Variants in COA1 observed in about 807,000 individuals in gnomAD.
The protein encoded by COA1 is cytochrome c oxidase assembly factor 1 homolog.
A neutral mutation model predicts 16.0 loss-of-function variants in COA1; 13 were observed. The observed-to-expected ratio is 0.81, with a 90% CI of 0.53 to 1.29. COA1 has a LOEUF of 1.29. Among genes scored for constraint, COA1 ranks in the 50% most tolerant of loss-of-function variants. COA1 has a pLI of 0.00. For synonymous variants in COA1, 65 were observed against 65.7 expected, an observed-to-expected ratio of 0.99 and a Z score of 0.05; for missense variants, 179 against 177.0, an observed-to-expected ratio of 1.01 and a Z score of -0.06.
At chr7:43,700,541 T>C (rs1432018908) in intron 1 of COA1, among the ~76,000 whole-genome samples, 3 of 150,730 alleles carry the variant, frequency 2.0e-5, no homozygotes, top group African/African-American at 7.3e-5. Flanking sequence ...TATATATATA[T>C]ATATATACAT....
chr7:43,717,423 T>C (rs1442562858), intron 1 of COA1, among the ~76,000 whole-genome samples: 1 of 152,230 alleles, frequency 6.6e-6, no homozygotes, highest in Non-Finnish European at 1.5e-5. Context: ...ATTTCAGACT[T>C]GCATGGGCCC....
At chr7:43,675,591 A>AC (rs752519644) in intron 1 of COA1, among the ~76,000 whole-genome samples, 21 of 152,198 alleles carry the variant, frequency 1.4e-4, no homozygotes, top group Non-Finnish European at 2.9e-4. Context: ...CCTAAAACTT[A>AC]AAGTATAATA....
intron 1 of COA1, among the ~76,000 whole-genome samples, chr7:43,657,502 T>G (rs79608853): frequency 0.036 from 5,512 of 152,266 alleles, 305 homozygotes; most frequent in African/African-American, 0.12. Flanking sequence ...ATGTTAACAG[T>G]TGTTACCCAT....
chr7:43,644,521 G>A (rs2088168407), intron 4 of COA1, among the ~76,000 whole-genome samples: 1 of 151,850 alleles, frequency 6.6e-6, no homozygotes, highest in Non-Finnish European at 1.5e-5. Context: ...GGATATAGAT[G>A]CATTTCTCTT....
chr7:43,617,236 C>T (rs985562908), intron 6 of COA1, among the ~76,000 whole-genome samples: 4 of 152,056 alleles, frequency 2.6e-5, no homozygotes, highest in Non-Finnish European at 5.9e-5. Context: ...TGGAGGTTAC[C>T]TAAGAGCAAT....
At chr7:43,644,536 T>C (rs1036984387) in intron 4 of COA1, among the ~76,000 whole-genome samples, 7 of 152,056 alleles carry the variant, frequency 4.6e-5, no homozygotes, top group African/African-American at 1.7e-4. Context: ...TCTCTTTTTT[T>C]TTTAATTTTA....
chr7:43,652,312 G>A (rs2090978261), intron 1 of COA1, among the ~76,000 whole-genome samples: 1 of 152,126 alleles, frequency 6.6e-6, no homozygotes, highest in Non-Finnish European at 1.5e-5. Context: ...TGTTCCTCTG[G>A]GTAACATGGC....
chr7:43,722,640 T>TG (rs1363066029), intron 1 of COA1, among the ~76,000 whole-genome samples: 3 of 151,898 alleles, frequency 2.0e-5, no homozygotes, highest in African/African-American at 7.3e-5. Flanking sequence ...TGATCTCAAG[T>TG]GATCCGACTG....
chr7:43,612,188 G>T (rs368920506), intron 6 of COA1, among the ~76,000 whole-genome samples: 5 of 152,116 alleles, frequency 3.3e-5, no homozygotes, highest in African/African-American at 1.2e-4. Flanking sequence ...ATGTTTCCTC[G>T]ACCCAGAGGA....
chr7:43,693,566 C>T (rs1309758964), intron 1 of COA1, among the ~76,000 whole-genome samples: 1 of 152,046 alleles, frequency 6.6e-6, no homozygotes, highest in Non-Finnish European at 1.5e-5. Context: ...CTTTTCAATT[C>T]CCCTCCTCAA....
chr7:43,666,274 T>C (rs2092882833), intron 1 of COA1, among the ~76,000 whole-genome samples: 1 of 152,222 alleles, frequency 6.6e-6, no homozygotes, highest in South Asian at 2.1e-4. Flanking sequence ...CACTACACTG[T>C]TTATACGGAC....
At chr7:43,640,260 A>C (rs986065570) in intron 5 of COA1, among the ~76,000 whole-genome samples, 1 of 152,236 alleles carries the variant, frequency 6.6e-6, no homozygotes, top group Non-Finnish European at 1.5e-5. Flanking sequence ...ATTTATAACA[A>C]TTGAGGCAGT....
downstream of COA1, among the ~76,000 whole-genome samples, chr7:43,634,447 C>A (rs2085536441): frequency 6.6e-6 from 1 of 152,192 alleles, no homozygotes; most frequent in Non-Finnish European, 1.5e-5. Context: ...CCCGCTAGAA[C>A]ACGTGGGTCC....
downstream of COA1, among the ~76,000 whole-genome samples, chr7:43,636,339 ACCGCCC>A (rs1362059956): frequency 3.7e-5 from 5 of 135,664 alleles, no homozygotes; most frequent in African/African-American, 1.5e-4. Context: ...CTCTTTCTGG[ACCGCCC>A]CCATCATTGA....
At chr7:43,641,394 T>G (rs561963539) in intron 4 of COA1, 137 of 151,314 alleles carry the variant, frequency 9.1e-4, no homozygotes, top group African/African-American at 3.2e-3. Flanking sequence ...GTGTATGATG[T>G]TTGAAAATTA....
intron 1 of COA1, among the ~76,000 whole-genome samples, chr7:43,714,157 C>T (rs1585387700): frequency 6.6e-6 from 1 of 152,206 alleles, no homozygotes; most frequent in East Asian, 1.9e-4. Context: ...CACTGCACTC[C>T]AGCCTGGGTG....
At chr7:43,662,370 C>A (rs574046783) in intron 1 of COA1, among the ~76,000 whole-genome samples, 3 of 152,356 alleles carry the variant, frequency 2.0e-5, no homozygotes, top group African/African-American at 7.2e-5. Flanking sequence ...GCTGGGACTA[C>A]AGGCACCTGC....
intron 6 of COA1, among the ~76,000 whole-genome samples, chr7:43,612,814 G>C (rs1313043293): frequency 6.6e-6 from 1 of 152,158 alleles, no homozygotes; most frequent in African/African-American, 2.4e-5. Context: ...TTCTTGGGGT[G>C]GGGGAGGGAG....
chr7:43,647,477 G>A lies in COA1; in HGVS notation c.115+58C>T, dbSNP rs550944361. On this transcript the variant is annotated intron_variant, in intron 3 of 5. Transcript: ENST00000223336. ...AGCATCTCAAGTATTTCCTCTGATG[G>A]AGGAGCAGGAGCAGGCTAGGAGGAG... The A allele has an allele frequency of 1.5e-5, 11 of 742,246 alleles. No individual in the cohort carries two copies. The South Asian group carries it at 1.6e-4, about 11-fold the overall frequency. 46.0% of individuals were successfully genotyped at this position (742,246 alleles called of 1,614,324 possible).
Sources: allele counts gnomAD v4.1 joint callset (sites outside exome capture counted in the v4.1 genomes callset), GRCh38; gene constraint gnomAD v4.1.1; transcripts MANE v1.5; gene names NCBI Gene and HGNC (gene_info 2026-07-23, HGNC 2026-07-21).